Variants in GRIK1 observed in about 807,000 individuals in gnomAD.
The protein encoded by GRIK1 is glutamate ionotropic receptor kainate type subunit 1.
A neutral mutation model predicts 105.7 loss-of-function variants in GRIK1; 69 were observed. That is an observed-to-expected ratio of 0.65 (90% CI 0.54 to 0.80). The LOEUF (loss-of-function observed/expected upper bound fraction) is 0.80, where lower values mean the gene tolerates loss of function less well. Ranked by LOEUF, GRIK1 falls within the 30% of genes least tolerant of loss-of-function variation. GRIK1 has a pLI of 0.00. For missense variants in GRIK1, 1,109 were observed against 1,167.3 expected, an observed-to-expected ratio of 0.95 and a Z score of 0.73; for synonymous variants, 438 against 431.3, an observed-to-expected ratio of 1.02 and a Z score of -0.19.
chr21:29,847,558 C>T (rs1346010100), intron 1 of GRIK1, among the ~76,000 whole-genome samples: 4 of 152,192 alleles, frequency 2.6e-5, no homozygotes, highest in South Asian at 2.1e-4. Flanking sequence ...TGGGCCATTG[C>T]ACTCCAGCAA....
rs368394476 is a variant in GRIK1 at position 29,618,011 on chromosome 21, T to C, written c.1099-19074A>G. The stretch of plus-strand genomic sequence containing the variant: ...AATCTCTCAGTTCCAGTTTATCACA[T>C]TGACCCTGACTGAAAGGCTTAGGAT... On this transcript the variant is annotated intron_variant, in intron 7 of 17. Transcript: ENST00000327783. Among the ~76,000 whole-genome samples, 5 of 152,348 alleles carry C rather than the reference T, an allele frequency of 3.3e-5. No individual in the cohort carries two copies. In the East Asian group the frequency reaches 5.8e-4, roughly 18 times the overall value.
chr21:29,700,616 TC>T (rs1009302875), intron 1 of GRIK1, among the ~76,000 whole-genome samples: 32 of 152,220 alleles, frequency 2.1e-4, no homozygotes, highest in African/African-American at 7.7e-4. Flanking sequence ...TTTTTTAGGT[TC>T]CAAGGATACT....
intron 1 of GRIK1, among the ~76,000 whole-genome samples, chr21:29,880,314 AG>A (rs2069358853): frequency 1.3e-5 from 2 of 152,274 alleles, no homozygotes; most frequent in South Asian, 2.1e-4. Context: ...TCTTTGAATC[AG>A]AATGATTTCA....
chr21:29,901,533 C>T (rs1480836683), intron 1 of GRIK1, among the ~76,000 whole-genome samples: 1 of 141,894 alleles, frequency 7.0e-6, no homozygotes, highest in East Asian at 2.0e-4. Flanking sequence ...ACAAATAAAC[C>T]AGAAAATCTA....
At chr21:29,549,548 T>C (rs1366651439) in intron 16 of GRIK1, among the ~76,000 whole-genome samples, 4 of 152,234 alleles carry the variant, frequency 2.6e-5, no homozygotes, top group Non-Finnish European at 5.9e-5. Flanking sequence ...ATTCCTGGAC[T>C]CTTCCTACTG....
chr21:29,562,787 CT>C (rs1414346450), intron 14 of GRIK1, among the ~76,000 whole-genome samples: 2 of 151,858 alleles, frequency 1.3e-5, no homozygotes, highest in Non-Finnish European at 2.9e-5. Flanking sequence ...ATATATTTGT[CT>C]TTTCTCATAT....
intron 1 of GRIK1, among the ~76,000 whole-genome samples, chr21:29,757,197 C>A: frequency 6.6e-6 from 1 of 151,852 alleles, no homozygotes; most frequent in East Asian, 1.9e-4. Context: ...ATTTCCCAAC[C>A]AGGGACTGTT....
Position 29,815,655 on chromosome 21 carries a change from A to T in GRIK1, c.119-121592T>A, listed in dbSNP as rs578188858. On this transcript the variant is annotated intron_variant, in intron 1 of 17. Coordinates refer to ENST00000327783, the MANE Select transcript of GRIK1 (RefSeq NM_001330994.2). Reference sequence around the variant, plus strand: ...AAAAGAGCTCATATAAAAAGAATGCATTTATAAAAAGAATGTCTTTATCAC... The same window carrying T: ...AAAAGAGCTCATATAAAAAGAATGCTTTTATAAAAAGAATGTCTTTATCAC... 4.7e-3 allele frequency among the ~76,000 whole-genome samples: 712 copies of T among 152,298 alleles called. 4 individuals are homozygous for T. The highest frequency in any genetic ancestry group is 0.024 in the Middle Eastern group (7 of 294).
intron 7 of GRIK1, among the ~76,000 whole-genome samples, chr21:29,620,465 C>T (rs1173704316): frequency 6.6e-6 from 1 of 152,038 alleles, no homozygotes; most frequent in Admixed American, 6.6e-5. Context: ...TCCACCATGG[C>T]CTTTCTTTAA....
At chr21:29,798,635 T>C (rs1274284174) in intron 1 of GRIK1, among the ~76,000 whole-genome samples, 2 of 152,208 alleles carry the variant, frequency 1.3e-5, no homozygotes, top group Non-Finnish European at 2.9e-5. Context: ...CCTGCATTTC[T>C]CAAAGAATTT....
chr21:29,629,571 A>T (rs2062215493), intron 7 of GRIK1, among the ~76,000 whole-genome samples: 1 of 151,222 alleles, frequency 6.6e-6, no homozygotes, highest in African/African-American at 2.4e-5. Context: ...CTCACTGCAA[A>T]CTCCGCCTCC....
At chr21:29,793,203 GTCTA>G (rs2066471236) in intron 1 of GRIK1, among the ~76,000 whole-genome samples, 1 of 152,310 alleles carries the variant, frequency 6.6e-6, no homozygotes, top group African/African-American at 2.4e-5. Context: ...AATATAGGGT[GTCTA>G]CGAGACTAAG....
At chr21:29,683,933 C>T (rs114601517) in intron 3 of GRIK1, among the ~76,000 whole-genome samples, 1,718 of 152,282 alleles carry the variant, frequency 0.011, 34 homozygotes, top group African/African-American at 0.039. Flanking sequence ...GAAATGCTCT[C>T]CCCCAGGTAT....
intron 1 of GRIK1, among the ~76,000 whole-genome samples, chr21:29,732,126 A>G (rs958389211): frequency 6.6e-6 from 1 of 152,176 alleles, no homozygotes; most frequent in African/African-American, 2.4e-5. Context: ...TGTAATTTAA[A>G]CTGCGTTTGG....
intron 1 of GRIK1, among the ~76,000 whole-genome samples, chr21:29,793,361 C>A (rs1186346000): frequency 6.6e-6 from 1 of 152,200 alleles, no homozygotes; most frequent in Non-Finnish European, 1.5e-5. Context: ...GTTGCTCCCC[C>A]AAGTCCCATA....
intron 1 of GRIK1, among the ~76,000 whole-genome samples, chr21:29,886,784 G>A (rs376673940): frequency 9.2e-5 from 14 of 152,122 alleles, no homozygotes; most frequent in East Asian, 1.9e-4. Context: ...GAGTGCATCC[G>A]TAAACATAAA....
chr21:29,891,251 A>G (rs1301075193), intron 1 of GRIK1, among the ~76,000 whole-genome samples: 1 of 152,200 alleles, frequency 6.6e-6, no homozygotes, highest in Non-Finnish European at 1.5e-5. Context: ...ATAAAAAGTG[A>G]AATATCTCTA....
At chr21:29,829,899 C>T (rs1300701546) in intron 1 of GRIK1, among the ~76,000 whole-genome samples, 2 of 152,020 alleles carry the variant, frequency 1.3e-5, no homozygotes, top group African/African-American at 4.8e-5. Context: ...GATAATCACA[C>T]TAGTAATTGG....
chr21:29,579,891 G>T (rs1180688686), intron 13 of GRIK1, among the ~76,000 whole-genome samples: 2 of 151,308 alleles, frequency 1.3e-5, no homozygotes, highest in Non-Finnish European at 2.9e-5. Context: ...ACAGAAGGCA[G>T]TCACAGTCAT....
Sources: gnomAD v4.1 joint callset for allele counts (sites outside exome capture counted in the v4.1 genomes callset) on GRCh38, gnomAD v4.1.1 for gene constraint, MANE v1.5 for transcripts, NCBI Gene and HGNC (gene_info 2026-07-23, HGNC 2026-07-21) for gene names.